Variants in SLC25A32 observed in about 807,000 individuals in gnomAD.
SLC25A32 encodes the protein Glycine auxotroph B, complementation of hamster.
A neutral mutation model predicts 39.0 loss-of-function variants in SLC25A32; 32 were observed. That is an observed-to-expected ratio of 0.82 (90% CI 0.62 to 1.10). The LOEUF (loss-of-function observed/expected upper bound fraction) is 1.10. Among genes scored for constraint, SLC25A32 ranks in the 50% least tolerant of loss-of-function variants. The probability of loss-of-function intolerance (pLI) is 0.00; values close to 1 mark genes in which losing one functional copy is unlikely to be tolerated. For missense variants in SLC25A32, 367 were observed against 395.3 expected (o/e 0.93, Z 0.61); for synonymous variants, 166 against 152.4 (o/e 1.09, Z -0.66).
At chr8:103,404,228 T>C (rs187661606) in intron 3 of SLC25A32, among the ~76,000 whole-genome samples, 3 of 152,348 alleles carry the variant, frequency 2.0e-5, no homozygotes, top group East Asian at 3.9e-4. Context: ...ATAACTTTTC[T>C]AAACTTTACC....
chr8:103,408,792 C>G (rs898738564), intron 1 of SLC25A32, among the ~76,000 whole-genome samples: 2 of 152,162 alleles, frequency 1.3e-5, no homozygotes, highest in African/African-American at 4.8e-5. Context: ...ATCCATGAAC[C>G]CTCCTCCTTC....
chr8:103,407,631 C>G lies in SLC25A32; in HGVS notation c.305+3G>C, dbSNP rs746005949. On this transcript the variant is annotated splice_donor_region_variant and intron_variant, in intron 2 of 6. Transcript: ENST00000297578. ...TACTGTAAAATCTCCCAAATCTACT[C>G]ACAAGAAAAAGTAGAGTCCCCAGGA... 1 of 1,541,552 alleles carries G rather than the reference C, an allele frequency of 6.5e-7. No individual in the cohort carries two copies. The highest frequency in any genetic ancestry group is 8.8e-7 in the Non-Finnish European group (1 of 1,139,070).
chr8:103,412,730 T>C (rs1816492134), intron 1 of SLC25A32, among the ~76,000 whole-genome samples: 2 of 152,194 alleles, frequency 1.3e-5, no homozygotes, highest in Non-Finnish European at 2.9e-5. Flanking sequence ...TCATATGAAG[T>C]AATTTCTAAT....
rs776388629 is a variant in SLC25A32 at position 103,402,056 on chromosome 8, T to A, written c.553-2A>T. The A allele has an allele frequency of 5.7e-6, 9 of 1,587,748 alleles. No homozygotes were observed. In the South Asian group the frequency reaches 9.3e-5, roughly 16 times the overall value. On this transcript the variant is annotated splice_acceptor_variant, in intron 4 of 6. Transcript: ENST00000297578. LOFTEE classifies it high-confidence loss of function. ...TCCAAACAGCCCAGGAACAAATCCC[T>A]ACAAGGGAATGATTTTTAAAAAGCA...
At chr8:103,405,981 A>G (rs886758109) in intron 2 of SLC25A32, among the ~76,000 whole-genome samples, 1 of 151,882 alleles carries the variant, frequency 6.6e-6, no homozygotes, top group Admixed American at 6.6e-5. Flanking sequence ...AGAAATTCTT[A>G]TCACAAAAAT....
chr8:103,414,947 GC>G lies in SLC25A32; in HGVS notation c.-11del. 1.9e-6 allele frequency: 3 copies of G among 1,595,962 alleles called. No individual in the cohort carries two copies. Among genetic ancestry groups the G allele is most frequent in the Non-Finnish European group, 2.6e-6 (3 of 1,171,750 alleles). On this transcript the variant is annotated 5_prime_UTR_variant, in exon 1 of 7. Transcript: ENST00000297578. ...GGCCCTGGCCCGTCATAGGCTCGGG[GC>G]CCGTCGACACCACGGCGCCCAGGGC...
At chr8:103,411,187 C>T (rs1202036615) in intron 1 of SLC25A32, among the ~76,000 whole-genome samples, 1 of 152,162 alleles carries the variant, frequency 6.6e-6, no homozygotes, top group East Asian at 1.9e-4. Context: ...TCCTACTAAG[C>T]GTTCTGGTCA....
At position 103,407,760 on chromosome 8, in the gene SLC25A32, G is replaced by A. The variant is rs747038599; in HGVS notation, c.179C>T (p.Pro60Leu). The change falls in exon 2 of 7, where the codon CCG (proline) becomes CTG (leucine). Residue 60 changes from proline (P) to leucine (L), a missense_variant. Pro to Leu is a moderately conservative substitution (Grantham distance 98). Coordinates refer to ENST00000297578, the MANE Select transcript of SLC25A32 (RefSeq NM_030780.5). ...FAVSDGLELR[P>L]KYNGILHCLT... ...GCAATGTAAAATTCCATTATATTTC[G>A]GTCTCAGTTCCAATCCATCACTCAC... 11 of 1,612,772 alleles carry A rather than the reference G, an allele frequency of 6.8e-6. No individual in the cohort carries two copies. The highest frequency in any genetic ancestry group is 2.7e-5 in the African/African-American group (2 of 74,668).
At chr8:103,401,889 T>C in intron 5 of SLC25A32, 52 bp downstream of exon 5, 1 of 1,456,584 alleles carries the variant, frequency 6.9e-7, no homozygotes, top group South Asian at 1.2e-5. Flanking sequence ...AATTTCTACC[T>C]ATTAAATACC....
rs114156661 is a variant in SLC25A32 at position 103,414,682 on chromosome 8, T to C, written c.154+102A>G. On this transcript the variant is annotated intron_variant, in intron 1 of 6. Coordinates refer to ENST00000297578, the MANE Select transcript of SLC25A32 (RefSeq NM_030780.5). The stretch of plus-strand genomic sequence containing the variant: ...GGTTAGCCAACGCGGACAGCAACGC[T>C]CCCTTCAACGCTCCTCCTCCCCCTA... The C allele has an allele frequency of 0.44, 672,631 of 1,512,174 alleles. 151,057 individuals are homozygous for C. Among genetic ancestry groups the C allele is most frequent in the African/African-American group, 0.49 (35,766 of 72,446 alleles). 93.7% of individuals were successfully genotyped at this position (1,512,174 alleles called of 1,614,324 possible).
chr8:103,412,956 G>A (rs188703144), intron 1 of SLC25A32, among the ~76,000 whole-genome samples: 3 of 152,076 alleles, frequency 2.0e-5, no homozygotes, highest in Middle Eastern at 3.4e-3. Context: ...TTTTTATTTC[G>A]TTATTCATCT....
At chr8:103,403,068 T>C (rs1816252793) in intron 4 of SLC25A32, 96 bp downstream of exon 4, 1 of 795,644 alleles carries the variant, frequency 1.3e-6, no homozygotes, top group Non-Finnish European at 1.9e-6. Context: ...TGTGGCTTCT[T>C]TTTAGGACTT....
chr8:103,415,000 C>A lies in SLC25A32; in HGVS notation c.-63G>T. 9 of 1,583,674 alleles carry A rather than the reference C, an allele frequency of 5.7e-6. No homozygotes were observed. Among genetic ancestry groups the A allele is most frequent in the Non-Finnish European group, 7.7e-6 (9 of 1,164,798 alleles). On this transcript the variant is annotated 5_prime_UTR_variant, in exon 1 of 7. Transcript: ENST00000297578. ...GCGGAGGTGGGACGCGATGCAGTGG[C>A]CGCCACCGTGGCGACGGTCGCCCCT... is the stretch of plus-strand genomic sequence containing the variant.
chr8:103,403,395 A>T, intron 3 of SLC25A32, 71 bp from the exon 4 acceptor site: 1 of 875,960 alleles, frequency 1.1e-6, no homozygotes, highest in Non-Finnish European at 1.7e-6. Context: ...CAAATTAGAA[A>T]CAGTACATTT....
intron 1 of SLC25A32, among the ~76,000 whole-genome samples, chr8:103,409,114 C>G (rs1298353213): frequency 6.6e-6 from 1 of 152,128 alleles, no homozygotes; most frequent in Non-Finnish European, 1.5e-5. Flanking sequence ...TAGAAAACCA[C>G]AAGGAATAAT....
Position 103,400,271 on chromosome 8 carries a change from G to T in SLC25A32, c.*140C>A. On this transcript the variant is annotated 3_prime_UTR_variant, in exon 7 of 7. Coordinates refer to ENST00000297578, the MANE Select transcript of SLC25A32 (RefSeq NM_030780.5). ...CAAGAAAAACATTGCAGGAGACTTA[G>T]CAGTTCTCTGGCTTCTAATGACTAT... The T allele has an allele frequency of 1.1e-6, 1 of 947,676 alleles. No individual in the cohort carries two copies. Among genetic ancestry groups the T allele is most frequent in the Non-Finnish European group, 1.6e-6 (1 of 630,308 alleles). 58.7% of individuals were successfully genotyped at this position (947,676 alleles called of 1,614,324 possible).
chr8:103,407,712 T>G lies in SLC25A32; in HGVS notation c.227A>C (p.Asp76Ala). 6.2e-7 allele frequency: 1 copy of G among 1,613,274 alleles called. No homozygotes were observed. Among genetic ancestry groups the G allele is most frequent in the Non-Finnish European group, 8.5e-7 (1 of 1,179,536 alleles). The change falls in exon 2 of 7, where the codon GAT (aspartate) becomes GCT (alanine). Residue 76 changes from aspartate (D) to alanine (A), a missense_variant. By Grantham distance (126) the Asp-to-Ala change is moderately radical. Transcript: ENST00000297578. ...TCCTTGATAAAGTCCCCGTAGTCCA[T>G]CAAGTTTCCAAATGGTAGTCAAGCA... ...LHCLTTIWKL[D>A]GLRGLYQGVT...
At chr8:103,408,674 A>C (rs977389562) in intron 1 of SLC25A32, among the ~76,000 whole-genome samples, 4 of 152,190 alleles carry the variant, frequency 2.6e-5, no homozygotes, top group African/African-American at 9.7e-5. Context: ...CCAAAATTGA[A>C]CTAGTTTTCC....
chr8:103,414,762 C>T, intron 1 of SLC25A32, 22 bp downstream of exon 1: 1 of 1,613,114 alleles, frequency 6.2e-7, no homozygotes, highest in Non-Finnish European at 8.5e-7. Flanking sequence ...GGATGCAGCC[C>T]GGTGTCTGGG....
Sources: gnomAD v4.1 joint callset for allele counts (sites outside exome capture counted in the v4.1 genomes callset) on GRCh38, gnomAD v4.1.1 for gene constraint, MANE v1.5 for transcripts, NCBI Gene and HGNC (gene_info 2026-07-23, HGNC 2026-07-21) for gene names.